Variants in GAB4 observed in about 807,000 individuals in gnomAD.
The protein encoded by GAB4 is GRB2 associated binding protein family member 4.
GAB4 carries 26 observed loss-of-function variants against 51.3 expected under a neutral mutation model. The observed-to-expected ratio is 0.51, with a 90% CI of 0.37 to 0.70. The LOEUF is 0.70. Among genes scored for constraint, GAB4 ranks in the 30% least tolerant of loss-of-function variants. The pLI is 0.00. For synonymous variants in GAB4, 329 were observed against 291.2 expected (o/e 1.13, Z -1.32); for missense variants, 759 against 734.6 (o/e 1.03, Z -0.38).
intron 1 of GAB4, among the ~76,000 whole-genome samples, chr22:16,993,070 T>G (rs191950977): frequency 4.3e-4 from 66 of 152,308 alleles, no homozygotes; most frequent in Admixed American, 2.4e-3. Flanking sequence ...ATAAACTCCT[T>G]ATACTGCTCC....
intron 3 of GAB4, among the ~76,000 whole-genome samples, chr22:16,984,035 A>C (rs2060847233): frequency 6.6e-6 from 1 of 152,202 alleles, no homozygotes; most frequent in South Asian, 2.1e-4. Context: ...CAATAGGAGA[A>C]AGTATTTTCA....
At chr22:17,001,381 C>T (rs2060996268) in intron 1 of GAB4, among the ~76,000 whole-genome samples, 2 of 152,168 alleles carry the variant, frequency 1.3e-5, no homozygotes, top group African/African-American at 4.8e-5. Context: ...CGCTTCATTT[C>T]ATTCATTTGA....
chr22:17,003,234 G>T (rs929134432), intron 1 of GAB4, among the ~76,000 whole-genome samples: 3 of 152,166 alleles, frequency 2.0e-5, no homozygotes, highest in Admixed American at 6.5e-5. Context: ...AATAGTGGGA[G>T]ACTTTAACAC....
intron 3 of GAB4, among the ~76,000 whole-genome samples, chr22:16,972,192 G>A (rs1327971586): frequency 6.6e-6 from 1 of 152,204 alleles, no homozygotes; most frequent in African/African-American, 2.4e-5. Flanking sequence ...CAGGACAGGC[G>A]TCACAGCAGT....
At chr22:16,993,514 C>T (rs1287223253) in intron 1 of GAB4, among the ~76,000 whole-genome samples, 1 of 152,186 alleles carries the variant, frequency 6.6e-6, no homozygotes, top group African/African-American at 2.4e-5. Context: ...ATCAAACTTC[C>T]TTTCCATGGC....
chr22:16,989,005 C>G (rs906466248), intron 2 of GAB4, among the ~76,000 whole-genome samples: 12 of 152,196 alleles, frequency 7.9e-5, no homozygotes, highest in Admixed American at 3.9e-4. Context: ...GCACTTGGCC[C>G]ATGTTCCCGT....
In GAB4 at chr22:16,968,331, A is replaced by G. The variant is rs1383201616; in HGVS notation, c.990T>C (p.Ala330=). 6.8e-6 allele frequency: 11 copies of G among 1,613,878 alleles called. No individual in the cohort carries two copies. The highest frequency in any genetic ancestry group is 9.3e-6 in the Non-Finnish European group (11 of 1,179,900). Residue 330 remains alanine (A), a synonymous_variant, in exon 5 of 10, where the codon GCT becomes GCC. Coordinates refer to ENST00000400588, the MANE Select transcript of GAB4 (RefSeq NM_001037814.1). ...AACAGACTCCCTCATGCATGGACTC[A>G]GCAGGCCGGCTGGCATTCCCTCCAC... The part of the protein sequence containing the change: ...QHGGGNASRP[A]ESMHEGVCSF...
chr22:17,007,850 C>CG, intron 1 of GAB4, 91 bp downstream of exon 1: 1 of 1,259,148 alleles, frequency 7.9e-7, no homozygotes, highest in East Asian at 2.5e-5. Context: ...CGCAGCTCCT[C>CG]CCGTGGACCC....
At chr22:16,964,615 T>C in intron 8 of GAB4, 151 bp downstream of exon 8, 1 of 587,800 alleles carries the variant, frequency 1.7e-6, no homozygotes, top group Admixed American at 3.1e-5. Context: ...CTGATACACC[T>C]GTGCTCAAGA....
intron 3 of GAB4, among the ~76,000 whole-genome samples, chr22:16,985,284 G>A (rs2060858331): frequency 6.6e-6 from 1 of 152,048 alleles, no homozygotes; most frequent in South Asian, 2.1e-4. Context: ...CCAAAATCTG[G>A]GTCTATTCTG....
At chr22:16,981,861 C>A (rs532128718) in intron 3 of GAB4, among the ~76,000 whole-genome samples, 3 of 152,102 alleles carry the variant, frequency 2.0e-5, no homozygotes, top group Non-Finnish European at 4.4e-5. Flanking sequence ...GATAATTAAT[C>A]TTGATCAAGT....
rs2060662779 is a variant in GAB4 at position 16,965,250 on chromosome 22, T to C, written c.1307A>G (p.Asn436Ser). 2.5e-6 allele frequency: 4 copies of C among 1,613,808 alleles called. No homozygotes were observed. Among genetic ancestry groups the C allele is most frequent in the Non-Finnish European group, 3.4e-6 (4 of 1,179,926 alleles). Reference sequence around the variant, plus strand: ...ATTGATGACCCTGTTGTTTCTCAGGTTGGGCGGTGTTGGGTTGGCTGGAGC... The same window carrying C: ...ATTGATGACCCTGTTGTTTCTCAGGCTGGGCGGTGTTGGGTTGGCTGGAGC... Reference protein sequence around the residue: ...PNQKANPTPPNLRNNRVINEL... With the variant: ...PNQKANPTPPSLRNNRVINEL... The change falls in exon 7 of 10, where the codon AAC becomes AGC. Residue 436 changes from asparagine (N) to serine (S), a missense_variant. Coordinates refer to ENST00000400588, the MANE Select transcript of GAB4 (RefSeq NM_001037814.1).
intron 1 of GAB4, among the ~76,000 whole-genome samples, chr22:16,992,879 C>T (rs1185653113): frequency 6.6e-6 from 1 of 152,104 alleles, no homozygotes; most frequent in Non-Finnish European, 1.5e-5. Context: ...CACCACCATA[C>T]CTAGCTAATT....
At chr22:16,968,409 T>C (rs1175507580) in intron 4 of GAB4, 26 bp from the exon 5 acceptor site, 1 of 1,555,918 alleles carries the variant, frequency 6.4e-7, no homozygotes, top group East Asian at 2.2e-5. Context: ...GAGATCCACA[T>C]GCATCACAGC....
In GAB4 at chr22:17,007,431, C is replaced by G. The variant is rs866457424; in HGVS notation, c.174+510G>C. ...CGGGTGAGGAGGGAAGGGGAGCGAG[C>G]GGGTGCGAGGTGCCCGCGTTTTCCT... On this transcript the variant is annotated intron_variant, in intron 1 of 9. Coordinates refer to ENST00000400588, the MANE Select transcript of GAB4 (RefSeq NM_001037814.1). Among the ~76,000 whole-genome samples the G allele has an allele frequency of 7.3e-5, 11 of 150,032 alleles. No individual in the cohort carries two copies. In the South Asian group the frequency reaches 8.5e-4, roughly 12 times the overall value.
intron 3 of GAB4, among the ~76,000 whole-genome samples, chr22:16,984,084 G>A (rs2060847562): frequency 6.6e-6 from 1 of 151,936 alleles, no homozygotes; most frequent in Non-Finnish European, 1.5e-5. Flanking sequence ...AATATATAAG[G>A]AACTCTAACA....
At chr22:16,999,592 C>T (rs1012761904) in intron 1 of GAB4, among the ~76,000 whole-genome samples, 9 of 152,174 alleles carry the variant, frequency 5.9e-5, no homozygotes, top group Admixed American at 1.3e-4. Context: ...AAAAAACCAG[C>T]TCCTGGATTA....
chr22:16,990,032 A>G (rs971779460), intron 2 of GAB4, among the ~76,000 whole-genome samples: 2 of 152,056 alleles, frequency 1.3e-5, no homozygotes, highest in African/African-American at 4.8e-5. Flanking sequence ...TCGGTGAGGC[A>G]CATCAGCATG....
At chr22:16,972,371 A>G (rs1462340632) in intron 3 of GAB4, among the ~76,000 whole-genome samples, 1 of 152,204 alleles carries the variant, frequency 6.6e-6, no homozygotes, top group African/African-American at 2.4e-5. Context: ...AGGCCAGACA[A>G]AAGTTGAGAC....
Sources: gnomAD v4.1 joint callset for allele counts (sites outside exome capture counted in the v4.1 genomes callset) on GRCh38, gnomAD v4.1.1 for gene constraint, MANE v1.5 for transcripts, NCBI Gene and HGNC (gene_info 2026-07-23, HGNC 2026-07-21) for gene names.